The following CBX2 variants were observed in gnomAD, a reference collection of about 807,000 sequenced individuals.
The protein encoded by CBX2 is chromobox protein homolog 2.
CBX2 carries 11 observed loss-of-function variants against 21.0 expected under a neutral mutation model. The ratio of observed to expected loss-of-function variants is 0.52; its 90% CI spans 0.33 to 0.87. CBX2 has a LOEUF of 0.87. CBX2 is among the 40% of genes least tolerant of loss of function. The pLI is 0.02. For synonymous variants in CBX2, 364 were observed against 304.6 expected (o/e 1.19, Z -2.03); for missense variants, 746 against 724.3 (o/e 1.03, Z -0.34).
Position 79,783,403 on chromosome 17 carries a change from C to G in CBX2, c.289-329C>G, listed in dbSNP as rs569143130. Among the ~76,000 whole-genome samples the G allele has an allele frequency of 8.0e-5, 12 of 149,640 alleles. No individual in the cohort carries two copies. In the South Asian group the frequency reaches 2.6e-3, roughly 32 times the overall value. Reference sequence around the variant, plus strand: ...AGGCAGTGGAGGTGTGACACCTTCTCCTTTATCTTTTTTTTTTTTTTTTTG... The same window carrying G: ...AGGCAGTGGAGGTGTGACACCTTCTGCTTTATCTTTTTTTTTTTTTTTTTG... On this transcript the variant is annotated intron_variant, in intron 4 of 4. Coordinates refer to ENST00000310942, the MANE Select transcript of CBX2 (RefSeq NM_005189.3).
chr17:79,782,601 A>C, intron 4 of CBX2: 1 of 625,310 alleles, frequency 1.6e-6, no homozygotes, highest in Non-Finnish European at 2.1e-6. Context: ...GATTTCCTGA[A>C]TGAACAGGAT....
chr17:79,778,155 T>G lies in CBX2; in HGVS notation c.-81T>G. On this transcript the variant is annotated 5_prime_UTR_variant, in exon 1 of 5. Transcript: ENST00000310942. This position sits in a 1 kb window ranked among gnomAD's most constrained non-coding sequence, Gnocchi z 4.8. The stretch of plus-strand genomic sequence containing the variant: ...CCGGCGCCGGGCGGGGGCGGTGCTT[T>G]GTGTGCTGCCGGCGGGGCGCGCGGC... 2.6e-6 allele frequency: 2 copies of G among 769,074 alleles called. No homozygotes were observed. Among genetic ancestry groups the G allele is most frequent in the Non-Finnish European group, 1.6e-6 (1 of 606,888 alleles). The allele number at this position is 769,074 out of a possible 1,614,324, so 47.6% of individuals were successfully genotyped here.
At position 79,784,268 on chromosome 17, in the gene CBX2, G is replaced by A. The variant is rs781786601; in HGVS notation, c.825G>A (p.Ala275=). The change falls in exon 5 of 5, where the codon GCG becomes GCA. Residue 275 remains alanine, a synonymous_variant. Coordinates refer to ENST00000310942, the MANE Select transcript of CBX2 (RefSeq NM_005189.3). This position sits in a 1 kb window ranked among gnomAD's most constrained non-coding sequence, Gnocchi z 5.9. The part of the protein sequence containing the change: ...QSQAQAASRL[A]LKAQATNKCG... ...AGGCCCAGGCTGCCAGCAGGTTGGC[G>A]CTGAAGGCCCAGGCCACCAACAAGT... 3.7e-6 allele frequency: 6 copies of A among 1,612,952 alleles called. No homozygotes were observed. The highest frequency in any genetic ancestry group is 2.7e-5 in the African/African-American group (2 of 75,056).
At chr17:79,783,053 G>A (rs1907350724) in intron 4 of CBX2, among the ~76,000 whole-genome samples, 1 of 152,204 alleles carries the variant, frequency 6.6e-6, no homozygotes, top group African/African-American at 2.4e-5. Context: ...AACCTCCTGA[G>A]TCCTGAAAAC....
At chr17:79,780,605 AAG>A (rs1555829982) in intron 3 of CBX2, among the ~76,000 whole-genome samples, 1 of 152,138 alleles carries the variant, frequency 6.6e-6, no homozygotes, top group Non-Finnish European at 1.5e-5. Context: ...CTGAGATAAG[AAG>A]AGTGTAAAAC....
At position 79,783,836 on chromosome 17, in the gene CBX2, G is replaced by C. The variant is rs1275711593; in HGVS notation, c.393G>C (p.Lys131Asn). 1.2e-6 allele frequency: 2 copies of C among 1,611,558 alleles called. No homozygotes were observed. The highest frequency in any genetic ancestry group is 8.5e-7 in the Non-Finnish European group (1 of 1,178,854). ...AGGATGACAGTGACTTAGATGCTAA[G>C]AGGGGTCCCCGGGGCCGCGAGACCC... ...DEEDDSDLDA[K>N]RGPRGRETHP... Residue 131 changes from lysine to asparagine, a missense_variant, in exon 5 of 5, where the codon AAG (lysine) becomes AAC (asparagine). By Grantham distance (94) the Lys-to-Asn change is moderately conservative. This residue lies in a region of CBX2 where 701 missense variants were observed against 650.7 expected (regional missense o/e 1.08). Transcript: ENST00000310942.
chr17:79,778,350 C>A lies in CBX2; in HGVS notation c.73-34C>A. The stretch of plus-strand genomic sequence containing the variant: ...GGCCCCCCGCCCGCCGCCCGCTGTC[C>A]GTCTGGCTCACGGCCCCTCTTCTCT... On this transcript the variant is annotated intron_variant, in intron 1 of 4. Transcript: ENST00000310942. This position sits in a 1 kb window ranked among gnomAD's most constrained non-coding sequence, Gnocchi z 4.8. 2 of 1,579,042 alleles carry A rather than the reference C, an allele frequency of 1.3e-6. No homozygotes were observed. Among genetic ancestry groups the A allele is most frequent in the East Asian group, 2.3e-5 (1 of 43,466 alleles).
rs782332811 is a variant in CBX2 at position 79,784,504 on chromosome 17, A to T, written c.1061A>T (p.Gln354Leu). The change falls in exon 5 of 5, where the codon CAG becomes CTG. Residue 354 changes from glutamine (Q) to leucine (L), a missense_variant. This residue lies in a region of CBX2 where 701 missense variants were observed against 650.7 expected (regional missense o/e 1.08). Coordinates refer to ENST00000310942, the MANE Select transcript of CBX2 (RefSeq NM_005189.3). This position sits in a 1 kb window ranked among gnomAD's most constrained non-coding sequence, Gnocchi z 5.9. Reference sequence around the variant, plus strand: ...GCACCCACCCAGGAGCTGAGCCTCCAGGTCTTGGACTTGCAGAGTGTCAAG... The same window carrying T: ...GCACCCACCCAGGAGCTGAGCCTCCTGGTCTTGGACTTGCAGAGTGTCAAG... ...QPAPTQELSL[Q>L]VLDLQSVKNG... 1.9e-6 allele frequency: 3 copies of T among 1,612,640 alleles called. No homozygotes were observed. The South Asian group carries it at 3.3e-5, about 18-fold the overall frequency.
rs1414266197 is a variant in CBX2, at chr17:79,779,239, T to C, written c.117-123T>C. ...GTTTGGACTTTGAGAAGTGCCATGG[T>C]GCTACGGTGCCACTGCCATCGGCCC... On this transcript the variant is annotated intron_variant, in intron 2 of 4. Transcript: ENST00000310942. 4.6e-6 allele frequency: 4 copies of C among 878,498 alleles called. No individual in the cohort carries two copies. The African/African-American group carries it at 6.6e-5, about 15-fold the overall frequency. 54.4% of individuals were successfully genotyped at this position (878,498 alleles called of 1,614,324 possible). A position where few individuals can be genotyped will look rare whatever the true frequency, so the allele number is the denominator to read the frequency against.
In CBX2 at chr17:79,783,808, A is replaced by G; in HGVS notation, c.365A>G (p.Glu122Gly). The change falls in exon 5 of 5, where the codon GAA (glutamate) becomes GGA (glycine). Residue 122 changes from glutamate to glycine, a missense_variant. By Grantham distance (98) the Glu-to-Gly change is moderately conservative. Around this residue, in one of 2 missense-constraint regions of CBX2, gnomAD observed 701 missense variants for 650.7 expected, o/e 1.08. Coordinates refer to ENST00000310942, the MANE Select transcript of CBX2 (RefSeq NM_005189.3). ...ACGTCATCCTCCTCTTCCTCAGATG[A>G]AGAGGATGACAGTGACTTAGATGCT... ...SSTSSSSSSD[E>G]EDDSDLDAKR... 1 of 1,595,666 alleles carries G rather than the reference A, an allele frequency of 6.3e-7. No individual in the cohort carries two copies. The highest frequency in any genetic ancestry group is 8.5e-7 in the Non-Finnish European group (1 of 1,171,162).
At position 79,782,578 on chromosome 17, in the gene CBX2, G is replaced by A. The variant is rs74000185; in HGVS notation, c.288+777G>A. 1,825 of 865,892 alleles carry A rather than the reference G, an allele frequency of 2.1e-3. 15 individuals carry two copies. In the African/African-American group the frequency reaches 0.022, roughly 11 times the overall value. The allele number at this position is 865,892 out of a possible 1,614,324, so 53.6% of individuals were successfully genotyped here. A position where few individuals can be genotyped will look rare whatever the true frequency, so the allele number is the denominator to read the frequency against. ...ACGAGCTCAGTCACTAACTGAACCT[G>A]CCTTTCCAGGAGGATTTCCTGAATG... On this transcript the variant is annotated intron_variant, in intron 4 of 4. Transcript: ENST00000310942.
chr17:79,782,526 G>A (rs1383287163), intron 4 of CBX2: 7 of 1,133,094 alleles, frequency 6.2e-6, no homozygotes, highest in African/African-American at 3.2e-5. Flanking sequence ...TCCGGGCACT[G>A]TCCCTGGACC....
intron 3 of CBX2, among the ~76,000 whole-genome samples, chr17:79,780,225 G>A (rs1907072135): frequency 6.6e-6 from 1 of 152,220 alleles, no homozygotes; most frequent in South Asian, 2.1e-4. Context: ...TGTGGATAGA[G>A]GCAGAAGAAT....
chr17:79,782,467 G>A (rs113561509), intron 4 of CBX2: 18 of 1,237,918 alleles, frequency 1.5e-5, no homozygotes, highest in East Asian at 4.3e-5. Flanking sequence ...AGGACAGGAT[G>A]GGGGAGGAGG....
Position 79,784,549 on chromosome 17 carries a change from G to A in CBX2, c.1106G>A (p.Gly369Asp). The change falls in exon 5 of 5, where the codon GGT (glycine) becomes GAT (aspartate). Residue 369 changes from glycine to aspartate, a missense_variant. By Grantham distance (94) the Gly-to-Asp change is moderately conservative (BLOSUM62 -1). Coordinates refer to ENST00000310942, the MANE Select transcript of CBX2 (RefSeq NM_005189.3). The surrounding 1 kb of genome is among the most constrained non-coding windows in gnomAD (Gnocchi z 5.9). ...GTCAAGAATGGCATGCCCGGGGTGG[G>A]TCTCCTTGCCCGCCACGCCACCGCC... Reference protein sequence around the residue: ...QSVKNGMPGVGLLARHATATK... With the variant: ...QSVKNGMPGVDLLARHATATK... 2 of 1,612,602 alleles carry A rather than the reference G, an allele frequency of 1.2e-6. No individual in the cohort carries two copies. Among genetic ancestry groups the A allele is most frequent in the Non-Finnish European group, 1.7e-6 (2 of 1,179,914 alleles).
rs1907167902 is a variant in CBX2, at chr17:79,781,179, CAAG to C, written c.183-516_183-514del. On this transcript the variant is annotated intron_variant, in intron 3 of 4. Transcript: ENST00000310942. Reference sequence around the variant, plus strand: ...CAGAGAGGTATTTTTAAAAAGGAAACAAGGAGAGTCATGTGCCAGCAGCCAGGC... The same window carrying C: ...CAGAGAGGTATTTTTAAAAAGGAAACGAGAGTCATGTGCCAGCAGCCAGGC... 2.6e-5 allele frequency among the ~76,000 whole-genome samples: 4 copies of C among 152,242 alleles called. No individual in the cohort carries two copies. In the South Asian group the frequency reaches 8.3e-4, roughly 32 times the overall value.
intron 3 of CBX2, among the ~76,000 whole-genome samples, chr17:79,781,307 T>G (rs1555830153): frequency 1.3e-5 from 2 of 152,188 alleles, no homozygotes; most frequent in African/African-American, 4.8e-5. Context: ...CTCCTTGTCC[T>G]GGGCTTCCTT....
intron 4 of CBX2, 61 bp downstream of exon 4, chr17:79,781,862 A>G (rs969914016): frequency 6.8e-6 from 11 of 1,614,000 alleles, no homozygotes; most frequent in Non-Finnish European, 9.3e-6. Context: ...CGTAGGGGGC[A>G]GGCAGAGGGA....
In CBX2 at chr17:79,784,863, G is replaced by A. The variant is rs782717786; in HGVS notation, c.1420G>A (p.Ala474Thr). Residue 474 changes from alanine (A) to threonine (T), a missense_variant, in exon 5 of 5, where the codon GCC (alanine) becomes ACC (threonine). Around this residue, in one of 2 missense-constraint regions of CBX2, gnomAD observed 701 missense variants for 650.7 expected, o/e 1.08. Coordinates refer to ENST00000310942, the MANE Select transcript of CBX2 (RefSeq NM_005189.3). The surrounding 1 kb of genome is among the most constrained non-coding windows in gnomAD (Gnocchi z 5.9). Reference sequence around the variant, plus strand: ...CAGCTCGGACTCCGACCCCGACTCCGCCTCGCCGCCCAGCACTGGACAGAA... The same window carrying A: ...CAGCTCGGACTCCGACCCCGACTCCACCTCGCCGCCCAGCACTGGACAGAA... ...SSSSDSDPDS[A>T]SPPSTGQNPS... 8.1e-6 allele frequency: 13 copies of A among 1,612,944 alleles called. No homozygotes were observed. The highest frequency in any genetic ancestry group is 1.1e-5 in the South Asian group (1 of 91,064).
Sources: gnomAD v4.1 joint callset for allele counts (sites outside exome capture counted in the v4.1 genomes callset) on GRCh38, gnomAD v4.1.1 for gene constraint, gnomAD v4.1.1 regional missense constraint, Gnocchi (gnomAD v3.1) non-coding constraint, MANE v1.5 for transcripts, NCBI Gene and HGNC (gene_info 2026-07-23, HGNC 2026-07-21) for gene names.